Variants in FMN2 observed in about 807,000 individuals in gnomAD.
FMN2 encodes formin 2.
FMN2 carries 51 observed loss-of-function variants against 142.3 expected under a neutral mutation model. The observed-to-expected ratio is 0.36, with a 90% CI of 0.29 to 0.45. The LOEUF (loss-of-function observed/expected upper bound fraction) is 0.45. Ranked by LOEUF, FMN2 falls within the 20% of genes least tolerant of loss-of-function variation. FMN2 has a pLI of 1.00. For missense variants in FMN2, 1,936 were observed against 2,122.8 expected (o/e 0.91, Z 1.73); for synonymous variants, 882 against 869.8 (o/e 1.01, Z -0.25).
chr1:240,138,333 A>C (rs1663040007), intron 2 of FMN2, among the ~76,000 whole-genome samples: 1 of 152,082 alleles, frequency 6.6e-6, no homozygotes, highest in Non-Finnish European at 1.5e-5. Flanking sequence ...AAACCGTTGC[A>C]GCAATCCAGG....
intron 8 of FMN2, among the ~76,000 whole-genome samples, chr1:240,313,736 G>A (rs1670669546): frequency 1.3e-5 from 2 of 152,274 alleles, no homozygotes; most frequent in Middle Eastern, 3.4e-3. Context: ...GGGAGGCTGA[G>A]GCAGGTGGAT....
At chr1:240,426,750 T>C (rs983582635) in intron 15 of FMN2, among the ~76,000 whole-genome samples, 8 of 152,196 alleles carry the variant, frequency 5.3e-5, no homozygotes, top group African/African-American at 1.9e-4. Context: ...ATTTATTTAT[T>C]TTTAAGATGC....
chr1:240,144,038 G>T, intron 2 of FMN2: 1 of 1,124,606 alleles, frequency 8.9e-7, no homozygotes, highest in Non-Finnish European at 1.4e-6. Flanking sequence ...TATGCCACAG[G>T]CAAGAAGAAT....
chr1:240,312,948 A>G (rs1479257106), intron 8 of FMN2, among the ~76,000 whole-genome samples: 1 of 152,174 alleles, frequency 6.6e-6, no homozygotes, highest in Non-Finnish European at 1.5e-5. Context: ...TTAAGAGATT[A>G]TTTTTAGAAC....
rs1180290493 is a variant in FMN2 at position 240,473,241 on chromosome 1, T to G, written c.5142+788T>G. On this transcript the variant is annotated intron_variant, in intron 17 of 17. Coordinates refer to ENST00000319653, the MANE Select transcript of FMN2 (RefSeq NM_020066.5). This position sits in a 1 kb window ranked among gnomAD's most constrained non-coding sequence, Gnocchi z 4.3. ...GGCAGAGTTGGCTGCCGGAGAGTGGTCAGTCCAGAGACGGAGTTTAACAAG... is the reference window on the plus strand; with the variant it reads ...GGCAGAGTTGGCTGCCGGAGAGTGGGCAGTCCAGAGACGGAGTTTAACAAG... 2.6e-5 allele frequency among the ~76,000 whole-genome samples: 4 copies of G among 152,152 alleles called. No individual in the cohort carries two copies. Among genetic ancestry groups the G allele is most frequent in the African/African-American group, 7.2e-5 (3 of 41,438 alleles).
At chr1:240,177,540 A>C (rs1664970969) in intron 2 of FMN2, among the ~76,000 whole-genome samples, 1 of 152,112 alleles carries the variant, frequency 6.6e-6, no homozygotes, top group Non-Finnish European at 1.5e-5. Flanking sequence ...ACAAGTATAT[A>C]AACAATTTTA....
chr1:240,403,796 T>G (rs555820962), intron 15 of FMN2, among the ~76,000 whole-genome samples: 1 of 152,318 alleles, frequency 6.6e-6, no homozygotes, highest in East Asian at 1.9e-4. Context: ...TTGGACTGTA[T>G]AGTTTAAAAA....
intron 15 of FMN2, among the ~76,000 whole-genome samples, chr1:240,435,440 A>T (rs2103172879): frequency 6.6e-6 from 1 of 151,870 alleles, no homozygotes; most frequent in South Asian, 2.1e-4. Flanking sequence ...TTAATAAATC[A>T]GCCCCAATTG....
intron 8 of FMN2, among the ~76,000 whole-genome samples, chr1:240,306,279 C>G (rs532188727): frequency 2.0e-5 from 3 of 151,962 alleles, no homozygotes; most frequent in African/African-American, 7.3e-5. Context: ...TTTTTAAAAT[C>G]CATTTTAATT....
At chr1:240,382,010 A>G (rs1025439802) in intron 14 of FMN2, among the ~76,000 whole-genome samples, 2 of 152,184 alleles carry the variant, frequency 1.3e-5, no homozygotes, top group African/African-American at 4.8e-5. Flanking sequence ...AGACATTCAA[A>G]TTGGAAAAGA....
chr1:240,185,728 C>T (rs1287483370), intron 3 of FMN2, among the ~76,000 whole-genome samples: 1 of 152,112 alleles, frequency 6.6e-6, no homozygotes, highest in Non-Finnish European at 1.5e-5. Flanking sequence ...CTTTGTGTAC[C>T]ACCAGGAGAG....
intron 8 of FMN2, among the ~76,000 whole-genome samples, chr1:240,299,241 C>A (rs1240374194): frequency 6.6e-6 from 1 of 152,190 alleles, no homozygotes. Flanking sequence ...AGCCACCACA[C>A]ATGGCCTGAG....
chr1:240,217,877 C>G (rs1279775527), intron 6 of FMN2, among the ~76,000 whole-genome samples: 1 of 151,550 alleles, frequency 6.6e-6, no homozygotes, highest in Non-Finnish European at 1.5e-5. Context: ...CTTCACCTTG[C>G]TAGATTATAT....
At chr1:240,211,780 A>C (rs1666699787) in intron 6 of FMN2, among the ~76,000 whole-genome samples, 2 of 152,216 alleles carry the variant, frequency 1.3e-5, no homozygotes, top group Non-Finnish European at 2.9e-5. Context: ...CTAACCTGTG[A>C]CATTTTTGAG....
At position 240,241,825 on chromosome 1, in the gene FMN2, C is replaced by CTTTTTTTTT. The variant is rs71567282; in HGVS notation, c.4066-16099_4066-16091dup. ...ATTTTCTTTATTTTAGTGTGCCTTGCTTTTTTTTTTTTTTTTTTTTTTTTT... is the reference window on the plus strand; with the variant it reads ...ATTTTCTTTATTTTAGTGTGCCTTGCTTTTTTTTTTTTTTTTTTTTTTTTTTTTTTTTTT... On this transcript the variant is annotated intron_variant, in intron 6 of 17. Transcript: ENST00000319653. Among the ~76,000 whole-genome samples, 36 of 96,230 alleles carry CTTTTTTTTT rather than the reference C, an allele frequency of 3.7e-4. 4 individuals carry two copies. The highest frequency in any genetic ancestry group is 1.1e-3 in the African/African-American group (30 of 26,324). 63.1% of individuals were successfully genotyped at this position (96,230 alleles called of 152,430 possible).
At chr1:240,299,799 G>A (rs751242315) in intron 8 of FMN2, among the ~76,000 whole-genome samples, 6 of 151,972 alleles carry the variant, frequency 3.9e-5, no homozygotes, top group Admixed American at 1.3e-4. Flanking sequence ...TGCATACTGC[G>A]ATGAACCCAA....
chr1:240,098,974 G>A (rs1036014615), intron 1 of FMN2, among the ~76,000 whole-genome samples: 12 of 152,162 alleles, frequency 7.9e-5, no homozygotes, highest in Non-Finnish European at 1.0e-4. Context: ...TTCTAACTAC[G>A]TTTATTCTAG....
chr1:240,398,115 C>G (rs1369872845), intron 15 of FMN2, among the ~76,000 whole-genome samples: 2 of 151,934 alleles, frequency 1.3e-5, no homozygotes, highest in East Asian at 3.9e-4. Flanking sequence ...CATTCCTCAG[C>G]CTCCCCAGTA....
chr1:240,443,055 A>G (rs147738348), intron 16 of FMN2, among the ~76,000 whole-genome samples: 5 of 152,352 alleles, frequency 3.3e-5, no homozygotes, highest in Admixed American at 1.3e-4. Flanking sequence ...TAAAAATGGT[A>G]TCCTGGTCAT....
Sources: allele counts gnomAD v4.1 joint callset (sites outside exome capture counted in the v4.1 genomes callset), GRCh38; gene constraint gnomAD v4.1.1; non-coding constraint Gnocchi (gnomAD v3.1); transcripts MANE v1.5; gene names NCBI Gene and HGNC (gene_info 2026-07-23, HGNC 2026-07-21).